The following SPATA13 variants were observed in gnomAD, a reference collection of about 807,000 sequenced individuals.
SPATA13 encodes spermatogenesis-associated protein 13.
A neutral mutation model predicts 104.0 loss-of-function variants in SPATA13; 50 were observed. The ratio of observed to expected loss-of-function variants is 0.48; its 90% CI spans 0.38 to 0.61. The LOEUF (loss-of-function observed/expected upper bound fraction) is 0.61, where lower values mean the gene tolerates loss of function less well. Among genes scored for constraint, SPATA13 ranks in the 20% least tolerant of loss-of-function variants. The pLI is 0.00. For synonymous variants in SPATA13, 606 were observed against 667.5 expected (o/e 0.91, Z 1.42); for missense variants, 1,524 against 1,690.6 (o/e 0.90, Z 1.73).
intron 3 of SPATA13, among the ~76,000 whole-genome samples, chr13:24,089,907 C>T (rs1879858716): frequency 6.6e-6 from 1 of 152,198 alleles, no homozygotes; most frequent in Non-Finnish European, 1.5e-5. Flanking sequence ...GCTCTGTCCT[C>T]TGGAGGGGCC....
chr13:24,090,485 C>T (rs9580863), intron 3 of SPATA13, among the ~76,000 whole-genome samples: 6,244 of 152,234 alleles, frequency 0.041, 376 homozygotes, highest in African/African-American at 0.13. Flanking sequence ...CCTCACCGAA[C>T]GGTGTCCTCA....
upstream of SPATA13, among the ~76,000 whole-genome samples, chr13:24,156,054 T>C (rs1235294423): frequency 1.3e-5 from 2 of 152,196 alleles, no homozygotes; most frequent in Non-Finnish European, 2.9e-5. Context: ...ATTGTATGTA[T>C]TTACTACATC....
chr13:24,081,021 C>T (rs1361374554), intron 3 of SPATA13, among the ~76,000 whole-genome samples: 1 of 152,188 alleles, frequency 6.6e-6, no homozygotes, highest in Non-Finnish European at 1.5e-5. Context: ...GAGGAAAATA[C>T]CTGCATGAAT....
At chr13:24,008,241 T>C (rs1037898999) in intron 2 of SPATA13, among the ~76,000 whole-genome samples, 1 of 152,272 alleles carries the variant, frequency 6.6e-6, no homozygotes, top group South Asian at 2.1e-4. Context: ...CCAGGTTATC[T>C]GTAAATTTCA....
intron 3 of SPATA13, among the ~76,000 whole-genome samples, chr13:24,115,485 C>T (rs556348100): frequency 3.9e-5 from 6 of 152,364 alleles, no homozygotes; most frequent in East Asian, 1.9e-4. Flanking sequence ...ACCGCGCATG[C>T]GAAGGATGTA....
At chr13:24,296,336 G>A (rs1455073510) in intron 10 of SPATA13, among the ~76,000 whole-genome samples, 1 of 152,164 alleles carries the variant, frequency 6.6e-6, no homozygotes, top group Non-Finnish European at 1.5e-5. Flanking sequence ...TATTGTGTGT[G>A]ACTGGGATTA....
intron 4 of SPATA13, among the ~76,000 whole-genome samples, chr13:24,255,449 G>T (rs552465237): frequency 2.6e-5 from 4 of 152,040 alleles, no homozygotes; most frequent in Non-Finnish European, 5.9e-5. Flanking sequence ...TTTGTTCCTG[G>T]GGACCCCGAG....
intron 4 of SPATA13, among the ~76,000 whole-genome samples, chr13:24,261,896 G>A (rs762550825): frequency 1.1e-4 from 17 of 152,164 alleles, no homozygotes; most frequent in Non-Finnish European, 2.2e-4. Context: ...TGTGTTGATG[G>A]TTTTCTCATT....
Position 24,016,683 on chromosome 13 carries a change from G to A in SPATA13, c.-146-984G>A, listed in dbSNP as rs77523337. Among the ~76,000 whole-genome samples the A allele has an allele frequency of 8.9e-3, 1,358 of 152,292 alleles. 26 individuals carry two copies. Among genetic ancestry groups the A allele is most frequent in the East Asian group, 0.079 (406 of 5,170 alleles). On this transcript the variant is annotated intron_variant, in intron 2 of 14. Coordinates refer to the SPATA13 transcript ENST00000424834. ...CCTGGCTCTCAGTTTCCTGAGCTGC[G>A]TGTCCCCAGTGTTCTCTTCCAGAAG... is the stretch of plus-strand genomic sequence containing the variant.
intron 3 of SPATA13, among the ~76,000 whole-genome samples, chr13:24,086,231 T>C (rs1006818251): frequency 2.6e-5 from 4 of 152,170 alleles, no homozygotes; most frequent in African/African-American, 9.7e-5. Flanking sequence ...ACAACAAATA[T>C]CTTTTAGTGT....
In SPATA13 at chr13:24,123,679, C is replaced by T. The variant is rs796478088; in HGVS notation, c.-111-99140C>T. The T allele has an allele frequency of 1.8e-5, 28 of 1,586,290 alleles. No individual in the cohort carries two copies. The African/African-American group carries it at 2.2e-4, about 12-fold the overall frequency. The stretch of plus-strand genomic sequence containing the variant: ...ACATCAAACTTCATGCATATATATT[C>T]GTAAGGGTCTTCTTGCCAAAGTTCC... On this transcript the variant is annotated intron_variant, in intron 3 of 14. Transcript: ENST00000424834.
At chr13:24,131,757 T>C (rs1273755387) in intron 3 of SPATA13, among the ~76,000 whole-genome samples, 1 of 152,212 alleles carries the variant, frequency 6.6e-6, no homozygotes, top group Non-Finnish European at 1.5e-5. Flanking sequence ...GGACCCTGGC[T>C]GTCTTGGGAA....
chr13:24,243,670 T>C (rs1185778709), intron 2 of SPATA13, among the ~76,000 whole-genome samples: 1 of 152,196 alleles, frequency 6.6e-6, no homozygotes, highest in African/African-American at 2.4e-5. Context: ...AAAATGTGCC[T>C]GGCATAGGTC....
At chr13:24,294,690 A>C (rs771378292) in intron 9 of SPATA13, 49 bp from the exon 10 acceptor site, 4 of 1,538,246 alleles carry the variant, frequency 2.6e-6, no homozygotes, top group African/African-American at 2.7e-5. Context: ...GCCAGTCCTC[A>C]TTTGTAAGGT....
At chr13:24,085,494 A>G (rs1407705565) in intron 3 of SPATA13, among the ~76,000 whole-genome samples, 6 of 152,164 alleles carry the variant, frequency 3.9e-5, no homozygotes, top group Non-Finnish European at 4.4e-5. Flanking sequence ...GCCGTCTGGA[A>G]GCCCTGCCCT....
At chr13:23,998,927 G>GAT (rs144157914) in intron 2 of SPATA13, among the ~76,000 whole-genome samples, 68,049 of 145,702 alleles carry the variant, frequency 0.47, 16,551 homozygotes, top group African/African-American at 0.53. Flanking sequence ...CACTAACTTT[G>GAT]GTTTTTTTTT....
rs1566186214 is a variant in SPATA13 at position 24,276,635 on chromosome 13, A to AAGAAAGG, written c.2165-7499_2165-7498insGAAAGGA. Among the ~76,000 whole-genome samples the AAGAAAGG allele has an allele frequency of 4.8e-4, 72 of 151,428 alleles. 1 individual carries two copies. The Middle Eastern group carries it at 0.024, about 51-fold the overall frequency. ...GTGCTTAAAAAGGGTTAAGATGGTAAAAGAAAGGAAGAAAGAAACAATAAA... is the reference window on the plus strand; with the variant it reads ...GTGCTTAAAAAGGGTTAAGATGGTAAAGAAAGGAAGAAAGGAAGAAAGAAACAATAAA... On this transcript the variant is annotated intron_variant, in intron 4 of 12. Transcript: ENST00000382108.
intron 3 of SPATA13, among the ~76,000 whole-genome samples, chr13:24,084,753 C>A (rs1879664740): frequency 6.6e-6 from 1 of 152,132 alleles, no homozygotes; most frequent in South Asian, 2.1e-4. Flanking sequence ...AGTGCAGTGG[C>A]TCACATCTGT....
chr13:24,232,687 T>C (rs1378140123), intron 2 of SPATA13, among the ~76,000 whole-genome samples: 1 of 152,174 alleles, frequency 6.6e-6, no homozygotes. Flanking sequence ...TAGCTGGGAC[T>C]ACAGACACAC....
Sources: gnomAD v4.1 joint callset for allele counts (sites outside exome capture counted in the v4.1 genomes callset) on GRCh38, gnomAD v4.1.1 for gene constraint, MANE v1.5 for transcripts, NCBI Gene and HGNC (gene_info 2026-07-23, HGNC 2026-07-21) for gene names.